Variants in MED15 observed in about 807,000 individuals in gnomAD.
The protein encoded by MED15 is mediator complex subunit 15.
In MED15, 41 loss-of-function variants were observed where a neutral mutation model predicts 118.7. That is an observed-to-expected ratio of 0.35 (90% CI 0.27 to 0.45). The LOEUF is 0.45. Among genes scored for constraint, MED15 ranks in the 20% least tolerant of loss-of-function variants. The pLI is 1.00. For synonymous variants in MED15, 436 were observed against 413.9 expected, an observed-to-expected ratio of 1.05 and a Z score of -0.65; for missense variants, 740 against 1,025.5, an observed-to-expected ratio of 0.72 and a Z score of 3.80.
chr22:20,529,649 G>C (rs1314795257), intron 1 of MED15, among the ~76,000 whole-genome samples: 1 of 152,112 alleles, frequency 6.6e-6, no homozygotes, highest in Non-Finnish European at 1.5e-5. Context: ...GCTCAGGCTG[G>C]AGTGCAGTGG....
intron 5 of MED15, among the ~76,000 whole-genome samples, chr22:20,561,578 A>G (rs2056243521): frequency 6.6e-6 from 1 of 152,196 alleles, no homozygotes; most frequent in Non-Finnish European, 1.5e-5. Context: ...AAATATAAGT[A>G]ATCATAATAA....
At chr22:20,535,207 C>T (rs994072342) in intron 1 of MED15, among the ~76,000 whole-genome samples, 2 of 152,198 alleles carry the variant, frequency 1.3e-5, no homozygotes, top group Admixed American at 6.5e-5. Context: ...ATCCACCTGC[C>T]TCGGCCTCCC....
intron 2 of MED15, among the ~76,000 whole-genome samples, chr22:20,548,812 C>T (rs975530028): frequency 3.9e-5 from 6 of 152,016 alleles, no homozygotes; most frequent in African/African-American, 1.5e-4. Flanking sequence ...TTCTATGAAG[C>T]TTTTAACTTT....
intron 6 of MED15, among the ~76,000 whole-genome samples, chr22:20,565,438 C>G (rs1053539505): frequency 6.6e-6 from 1 of 152,176 alleles, no homozygotes; most frequent in Non-Finnish European, 1.5e-5. Flanking sequence ...GCTGGTGTTG[C>G]ATGAGGTGAT....
rs984115263 is a variant in MED15, at chr22:20,543,538, A to G, written c.156+6334A>G. On this transcript the variant is annotated intron_variant, in intron 2 of 17. Coordinates refer to ENST00000263205, the MANE Select transcript of MED15 (RefSeq NM_001003891.3). ...CCTCTTGCATTTTACTACAAGCAGA[A>G]AGAAGAAACCAAGCTGAGTCCTTTT... 1.9e-4 allele frequency among the ~76,000 whole-genome samples: 28 copies of G among 146,686 alleles called. 1 individual carries two copies. The Middle Eastern group carries it at 0.012, about 62-fold the overall frequency.
At chr22:20,561,388 C>T (rs4822096) in intron 5 of MED15, among the ~76,000 whole-genome samples, 14,375 of 151,924 alleles carry the variant, frequency 0.095, 1,257 homozygotes, top group East Asian at 0.27. Context: ...GGCATGGTGG[C>T]GCATGCCTGT....
At chr22:20,514,082 T>C (rs997352327) in intron 1 of MED15, among the ~76,000 whole-genome samples, 6 of 152,032 alleles carry the variant, frequency 3.9e-5, no homozygotes, top group African/African-American at 1.4e-4. Context: ...CCCAGGCTGG[T>C]CTTGATCTCC....
intron 9 of MED15, chr22:20,582,402 G>GCC (rs371867732): frequency 4.2e-6 from 3 of 718,002 alleles, no homozygotes; most frequent in African/African-American, 1.8e-5. Context: ...CCCTGCCTGG[G>GCC]CCCCCCCCGC....
At chr22:20,518,831 T>A (rs1414292758) in intron 1 of MED15, 2 of 453,004 alleles carry the variant, frequency 4.4e-6, no homozygotes, top group Non-Finnish European at 8.8e-6. Context: ...TTGTGATGGT[T>A]GATTTTCTTT....
intron 5 of MED15, among the ~76,000 whole-genome samples, chr22:20,558,593 G>C (rs1006059383): frequency 6.6e-6 from 1 of 152,162 alleles, no homozygotes; most frequent in Non-Finnish European, 1.5e-5. Flanking sequence ...CTGAGGACAT[G>C]TTCTCCTCCT....
At chr22:20,525,369 C>T (rs1011369328) in intron 1 of MED15, among the ~76,000 whole-genome samples, 3 of 151,660 alleles carry the variant, frequency 2.0e-5, no homozygotes, top group Admixed American at 6.6e-5. Flanking sequence ...TGGGCCACCA[C>T]GCCCAGCTAA....
In MED15 at chr22:20,586,569, C is replaced by T. The variant is rs142004622; in HGVS notation, c.2232C>T (p.Asp744=). The T allele has an allele frequency of 1.4e-3, 2,206 of 1,612,416 alleles. 12 individuals are homozygous for T. Among genetic ancestry groups the T allele is most frequent in the African/African-American group, 1.5e-3 (115 of 75,042 alleles). ...TTCACGCCCACTGCTCTGTTGCAGA[C>T]GCCAACCCCTTCCTCCAGTCGGTGC... The part of the protein sequence containing the change: ...PLWIDRQWQY[D]ANPFLQSVHR... The change falls in exon 18 of 18, where the codon GAC becomes GAT. Residue 744 remains aspartate (D), a splice_region_variant and synonymous_variant. Coordinates refer to ENST00000263205, the MANE Select transcript of MED15 (RefSeq NM_001003891.3).
At chr22:20,582,138 G>T (rs935412849) in intron 9 of MED15, 4 of 212,538 alleles carry the variant, frequency 1.9e-5, no homozygotes, top group Non-Finnish European at 3.7e-5. Context: ...CACCAGGCTT[G>T]TCCTTGGTGC....
chr22:20,507,643 A>C lies in MED15; in HGVS notation c.-36A>C. 1 of 1,613,440 alleles carries C rather than the reference A, an allele frequency of 6.2e-7. No homozygotes were observed. Among genetic ancestry groups the C allele is most frequent in the Non-Finnish European group, 8.5e-7 (1 of 1,179,608 alleles). The stretch of plus-strand genomic sequence containing the variant: ...GACTGAGGCGGCGGCGGTGGCGGCC[A>C]AGCGGGATACGGGCGGCGGGAGCTG... On this transcript the variant is annotated 5_prime_UTR_variant, in exon 1 of 18. Transcript: ENST00000263205.
intron 1 of MED15, among the ~76,000 whole-genome samples, chr22:20,511,818 T>C (rs1276752520): frequency 1.3e-5 from 2 of 152,044 alleles, no homozygotes; most frequent in East Asian, 3.9e-4. Flanking sequence ...AGGCCTAAAG[T>C]GTAGCCACTG....
In MED15 at chr22:20,528,742, C is replaced by T. The variant is rs144777582; in HGVS notation, c.69-8375C>T. Among the ~76,000 whole-genome samples, 23 of 152,320 alleles carry T rather than the reference C, an allele frequency of 1.5e-4. No homozygotes were observed. The East Asian group carries it at 3.9e-3, about 26-fold the overall frequency. On this transcript the variant is annotated intron_variant, in intron 1 of 17. Coordinates refer to ENST00000263205, the MANE Select transcript of MED15 (RefSeq NM_001003891.3). ...GTGGGTCTCGGCAGTTAGCGTGCAT[C>T]GATCTAGTCACTTAGACCAGAGCAC...
chr22:20,533,045 G>T (rs565188453), intron 1 of MED15, among the ~76,000 whole-genome samples: 1 of 152,130 alleles, frequency 6.6e-6, no homozygotes, highest in Non-Finnish European at 1.5e-5. Context: ...GTAGCCATTC[G>T]GGTCTGGCTG....
chr22:20,533,237 G>A (rs2054925453), intron 1 of MED15, among the ~76,000 whole-genome samples: 1 of 152,122 alleles, frequency 6.6e-6, no homozygotes, highest in African/African-American at 2.4e-5. Context: ...GTGTGAAATG[G>A]GTACCCTCCT....
At chr22:20,539,388 G>T (rs944401110) in intron 2 of MED15, among the ~76,000 whole-genome samples, 3 of 152,238 alleles carry the variant, frequency 2.0e-5, no homozygotes, top group African/African-American at 7.2e-5. Flanking sequence ...TGGGATTACA[G>T]ACGTGAGCCA....
Sources: allele counts gnomAD v4.1 joint callset (sites outside exome capture counted in the v4.1 genomes callset), GRCh38; gene constraint gnomAD v4.1.1; transcripts MANE v1.5; gene names NCBI Gene and HGNC (gene_info 2026-07-23, HGNC 2026-07-21).